Variants in COP1 observed in about 807,000 individuals in gnomAD.
COP1 encodes COP1 E3 ubiquitin ligase.
In COP1, 24 loss-of-function variants were observed where a neutral mutation model predicts 101.3. That is an observed-to-expected ratio of 0.24 (90% CI 0.17 to 0.33). The LOEUF is 0.33. Among genes scored for constraint, COP1 ranks in the 10% least tolerant of loss-of-function variants. The pLI is 1.00. For synonymous variants in COP1, 347 were observed against 341.9 expected, an observed-to-expected ratio of 1.01 and a Z score of -0.17; for missense variants, 663 against 906.2, an observed-to-expected ratio of 0.73 and a Z score of 3.45.
chr1:176,052,946 G>GT (rs1249548534), intron 11 of COP1, among the ~76,000 whole-genome samples: 3 of 151,770 alleles, frequency 2.0e-5, no homozygotes, highest in African/African-American at 7.3e-5. Context: ...TTGCCTGGAT[G>GT]TATCAAATTA....
chr1:175,948,769 G>T (rs965999682), intron 18 of COP1, among the ~76,000 whole-genome samples: 2 of 152,164 alleles, frequency 1.3e-5, no homozygotes, highest in African/African-American at 4.8e-5. Context: ...CAGCATCAAA[G>T]ATTATAGGTG....
chr1:176,007,728 G>T (rs1663676485), intron 15 of COP1, among the ~76,000 whole-genome samples: 3 of 152,170 alleles, frequency 2.0e-5, no homozygotes, highest in Admixed American at 1.3e-4. Context: ...CGTGCTGGGA[G>T]AACCACTGCT....
At chr1:176,159,517 A>G (rs116750954) in intron 5 of COP1, among the ~76,000 whole-genome samples, 2,435 of 152,300 alleles carry the variant, frequency 0.016, 40 homozygotes, top group Non-Finnish European at 0.022. Flanking sequence ...ACAAGGAGAA[A>G]GGTATACTAA....
At chr1:176,027,168 T>C (rs12132072) in intron 15 of COP1, among the ~76,000 whole-genome samples, 10,319 of 152,308 alleles carry the variant, frequency 0.068, 454 homozygotes, top group Non-Finnish European at 0.087. Context: ...GCTTTGTGCA[T>C]AGTAGGGACT....
Position 176,163,969 on chromosome 1 carries a change from T to C in COP1, c.566-78A>G, listed in dbSNP as rs534735217. The C allele has an allele frequency of 1.5e-5, 14 of 907,988 alleles. No individual in the cohort carries two copies. In the African/African-American group the frequency reaches 1.7e-4, roughly 11 times the overall value. 56.2% of individuals were successfully genotyped at this position (907,988 alleles called of 1,614,324 possible). On this transcript the variant is annotated intron_variant, in intron 3 of 19. Transcript: ENST00000367669. Reference sequence around the variant, plus strand: ...GTATCATGTAATTCTTCGGTTTAGATAGATTCTATTTTACCTATACATAGC... The same window carrying C: ...GTATCATGTAATTCTTCGGTTTAGACAGATTCTATTTTACCTATACATAGC...
At chr1:175,959,649 G>C in intron 18 of COP1, among the ~76,000 whole-genome samples, 1 of 152,186 alleles carries the variant, frequency 6.6e-6, no homozygotes, top group East Asian at 1.9e-4. Flanking sequence ...ATCCCTTAAG[G>C]ACTACCTAGA....
chr1:176,106,978 T>C (rs74728598), intron 9 of COP1, among the ~76,000 whole-genome samples: 1 of 152,140 alleles, frequency 6.6e-6, no homozygotes, highest in Non-Finnish European at 1.5e-5. Context: ...ACAAAGCAAT[T>C]CCGGTGCAAC....
intron 8 of COP1, among the ~76,000 whole-genome samples, chr1:176,130,274 TG>T (rs1332419439): frequency 6.6e-6 from 1 of 151,758 alleles, no homozygotes; most frequent in African/African-American, 2.4e-5. Context: ...GCAGATAGGA[TG>T]TATATCCTCA....
intron 6 of COP1, among the ~76,000 whole-genome samples, chr1:176,140,493 T>A (rs1213533120): frequency 1.3e-5 from 2 of 152,186 alleles, no homozygotes; most frequent in African/African-American, 4.8e-5. Flanking sequence ...AGATGAGAAT[T>A]CTGAAGGGAT....
At chr1:176,159,635 C>A (rs953080657) in intron 5 of COP1, among the ~76,000 whole-genome samples, 10 of 151,136 alleles carry the variant, frequency 6.6e-5, no homozygotes, top group Non-Finnish European at 1.3e-4. Flanking sequence ...ATAAATAAAC[C>A]AAATCTACAC....
intron 14 of COP1, among the ~76,000 whole-genome samples, chr1:176,028,343 C>A (rs1668039540): frequency 6.6e-6 from 1 of 151,820 alleles, no homozygotes; most frequent in East Asian, 1.9e-4. Context: ...GGCAGCAGAT[C>A]ACTTGAGCTC....
At chr1:176,011,377 T>C (rs566448098) in intron 15 of COP1, among the ~76,000 whole-genome samples, 1 of 152,290 alleles carries the variant, frequency 6.6e-6, no homozygotes, top group South Asian at 2.1e-4. Flanking sequence ...CAAATATGTA[T>C]GGTGTAGTAA....
At chr1:176,176,189 C>T (rs866465658) in intron 2 of COP1, among the ~76,000 whole-genome samples, 182 bp from the exon 3 acceptor site, 78 of 152,234 alleles carry the variant, frequency 5.1e-4, no homozygotes, top group Middle Eastern at 3.4e-3. Context: ...TGGGTAAACA[C>T]TACACAAAAG....
At chr1:176,184,577 T>C in intron 2 of COP1, 56 bp downstream of exon 2, 1 of 1,368,876 alleles carries the variant, frequency 7.3e-7, no homozygotes, top group Non-Finnish European at 1.0e-6. Flanking sequence ...TTGGCTACAT[T>C]TACAGATAAG....
At chr1:176,112,223 C>CAAAAAAAAA (rs1186171855) in intron 9 of COP1, among the ~76,000 whole-genome samples, 1 of 134,380 alleles carries the variant, frequency 7.4e-6, no homozygotes. Context: ...AAAATATTTC[C>CAAAAAAAAA]AAAAAAAAAA....
At chr1:176,042,103 T>C (rs1330578438) in intron 14 of COP1, among the ~76,000 whole-genome samples, 1 of 144,084 alleles carries the variant, frequency 6.9e-6, no homozygotes, top group East Asian at 2.2e-4. Flanking sequence ...CAGAGCGAGA[T>C]TACGTCTCAA....
chr1:176,132,279 C>A (rs1689008207), intron 8 of COP1, among the ~76,000 whole-genome samples: 1 of 151,784 alleles, frequency 6.6e-6, no homozygotes, highest in Non-Finnish European at 1.5e-5. Flanking sequence ...TTAGTCTTTA[C>A]TTGATTAATG....
chr1:175,996,299 T>C (rs1327984956), intron 15 of COP1, among the ~76,000 whole-genome samples: 1 of 152,256 alleles, frequency 6.6e-6, no homozygotes, highest in African/African-American at 2.4e-5. Context: ...TCATACTGAA[T>C]GGGCAAAAAC....
At chr1:176,008,452 G>C (rs1207176648) in intron 15 of COP1, among the ~76,000 whole-genome samples, 1 of 152,124 alleles carries the variant, frequency 6.6e-6, no homozygotes, top group East Asian at 1.9e-4. Flanking sequence ...TTCAACAACA[G>C]AATTATTTGT....
Sources: gnomAD v4.1 joint callset for allele counts (sites outside exome capture counted in the v4.1 genomes callset) on GRCh38, gnomAD v4.1.1 for gene constraint, MANE v1.5 for transcripts, NCBI Gene and HGNC (gene_info 2026-07-23, HGNC 2026-07-21) for gene names.